Variants in RFX3 observed in about 807,000 individuals in gnomAD.
The protein encoded by RFX3 is regulatory factor X3.
In RFX3, 14 loss-of-function variants were observed where a neutral mutation model predicts 98.6. That is an observed-to-expected ratio of 0.14 (90% CI 0.09 to 0.22). The LOEUF (loss-of-function observed/expected upper bound fraction) is 0.22, where lower values mean the gene tolerates loss of function less well. Among genes scored for constraint, RFX3 ranks in the 10% least tolerant of loss-of-function variants. The pLI, the probability that RFX3 is intolerant of heterozygous loss-of-function variation, is 1.00. For synonymous variants in RFX3, 383 were observed against 328.4 expected (o/e 1.17, Z -1.80); for missense variants, 639 against 926.9 (o/e 0.69, Z 4.03).
chr9:3,402,266 CTT>C (rs1841549005), intron 1 of RFX3, among the ~76,000 whole-genome samples: 1 of 152,154 alleles, frequency 6.6e-6, no homozygotes, highest in Admixed American at 6.6e-5. Flanking sequence ...TTCCACTACA[CTT>C]ACTGTATTAT....
intron 13 of RFX3, among the ~76,000 whole-genome samples, chr9:3,261,595 G>T (rs900178015): frequency 6.6e-6 from 1 of 152,096 alleles, no homozygotes; most frequent in Non-Finnish European, 1.5e-5. Flanking sequence ...AATATAAATA[G>T]TGCTGTTATG....
intron 3 of RFX3, chr9:3,344,992 A>G (rs750123088): frequency 2.5e-5 from 15 of 588,784 alleles, no homozygotes; most frequent in Non-Finnish European, 4.6e-5. Flanking sequence ...TGTGCCAATC[A>G]CCTAAGCAAA....
intron 2 of RFX3, among the ~76,000 whole-genome samples, chr9:3,373,061 C>T (rs1209079287): frequency 6.6e-6 from 1 of 152,082 alleles, no homozygotes; most frequent in African/African-American, 2.4e-5. Flanking sequence ...CTATTCGTTG[C>T]CATATCTCTA....
At chr9:3,427,379 T>TA (rs900354626) in intron 1 of RFX3, among the ~76,000 whole-genome samples, 10 of 141,820 alleles carry the variant, frequency 7.1e-5, no homozygotes, top group Non-Finnish European at 1.4e-4. Context: ...ATTGTTATTA[T>TA]ATAATAATAC....
At position 3,525,958 on chromosome 9, in the gene RFX3, G is replaced by A. The variant is rs1167334732; in HGVS notation, c.-220C>T. On this transcript the variant is annotated 5_prime_UTR_variant, in exon 1 of 17. Transcript: ENST00000617270. ...AGAGAGAGGGAGAGAGAGAGAGAGC[G>A]AGAGGGAGAGGGAGACACTCGCACG... is the stretch of plus-strand genomic sequence containing the variant. 7.1e-6 allele frequency: 3 copies of A among 421,744 alleles called. No individual in the cohort carries two copies. The highest frequency in any genetic ancestry group is 9.4e-6 in the Non-Finnish European group (3 of 317,600). The allele number at this position is 421,744 out of a possible 1,614,324, so 26.1% of individuals were successfully genotyped here. A position where few individuals can be genotyped will look rare whatever the true frequency, so the allele number is the denominator to read the frequency against.
At chr9:3,405,353 A>G (rs2132083269) in intron 1 of RFX3, among the ~76,000 whole-genome samples, 1 of 152,310 alleles carries the variant, frequency 6.6e-6, no homozygotes, top group East Asian at 1.9e-4. Flanking sequence ...CCAAATCTGT[A>G]ACTCTAGTCA....
chr9:3,390,027 G>A (rs893238082), intron 2 of RFX3, among the ~76,000 whole-genome samples: 17 of 152,140 alleles, frequency 1.1e-4, no homozygotes, highest in East Asian at 5.8e-4. Flanking sequence ...TGTTTTATTC[G>A]GTACTTACTA....
intron 3 of RFX3, among the ~76,000 whole-genome samples, chr9:3,337,496 G>C (rs1354549837): frequency 6.6e-6 from 1 of 152,152 alleles, no homozygotes; most frequent in Non-Finnish European, 1.5e-5. Context: ...AGGTGGACTT[G>C]CTCTAAACAA....
At chr9:3,463,131 A>G (rs967221443) in intron 1 of RFX3, among the ~76,000 whole-genome samples, 12 of 152,298 alleles carry the variant, frequency 7.9e-5, no homozygotes, top group Middle Eastern at 3.4e-3. Flanking sequence ...TATATTACTT[A>G]ACTGTAAGAC....
intron 2 of RFX3, among the ~76,000 whole-genome samples, chr9:3,378,268 G>C (rs1024386004): frequency 2.0e-5 from 3 of 152,044 alleles, no homozygotes; most frequent in Admixed American, 1.3e-4. Flanking sequence ...TCTTGTTTCT[G>C]CCTGCAATAT....
chr9:3,257,257 T>C, intron 13 of RFX3, 58 bp from the exon 14 acceptor site: 1 of 1,408,816 alleles, frequency 7.1e-7, no homozygotes, highest in Non-Finnish European at 1.0e-6. Flanking sequence ...TTTCATTGAA[T>C]GCCAGCACAC....
Position 3,225,198 on chromosome 9 carries a change from C to G in RFX3, c.2094G>C (p.Glu698Asp). The G allele has an allele frequency of 6.2e-7, 1 of 1,613,924 alleles. No homozygotes were observed. Residue 698 changes from glutamate to aspartate, a missense_variant, in exon 17 of 17, where the codon GAG (glutamate) becomes GAC (aspartate). Transcript: ENST00000617270. ...AGCCCACTGGAAATGCCTGGCTCAGCTCTGTTTTCTCTCTTTTGGCTTGAG... is the reference window on the plus strand; with the variant it reads ...AGCCCACTGGAAATGCCTGGCTCAGGTCTGTTTTCTCTCTTTTGGCTTGAG... ...SEPQAKREKTELSQAFPVGCM... is the reference protein window; with the variant it reads ...SEPQAKREKTDLSQAFPVGCM...
intron 1 of RFX3, among the ~76,000 whole-genome samples, chr9:3,516,820 G>C (rs1818223442): frequency 6.6e-6 from 1 of 152,150 alleles, no homozygotes; most frequent in African/African-American, 2.4e-5. Flanking sequence ...CAACAGACAG[G>C]AGGAGCCCCA....
At chr9:3,348,632 T>G (rs886973459) in intron 2 of RFX3, among the ~76,000 whole-genome samples, 35 of 152,124 alleles carry the variant, frequency 2.3e-4, no homozygotes, top group African/African-American at 8.4e-4. Context: ...TACATGATTC[T>G]TTTTATATTA....
chr9:3,524,860 CA>C (rs1564205389), intron 1 of RFX3, among the ~76,000 whole-genome samples: 31 of 137,378 alleles, frequency 2.3e-4, no homozygotes, highest in African/African-American at 8.1e-4. Flanking sequence ...CACACACACA[CA>C]CACACACACA....
intron 15 of RFX3, among the ~76,000 whole-genome samples, chr9:3,244,543 A>C (rs1820382897): frequency 6.6e-6 from 1 of 152,068 alleles, no homozygotes; most frequent in Non-Finnish European, 1.5e-5. Context: ...TTCTCAGGAA[A>C]ACTTCCCCTT....
intron 1 of RFX3, among the ~76,000 whole-genome samples, chr9:3,459,370 C>T (rs971918274): frequency 1.3e-5 from 2 of 152,086 alleles, no homozygotes; most frequent in Non-Finnish European, 2.9e-5. Flanking sequence ...GGAAGAATTT[C>T]TACCCCAATC....
intron 4 of RFX3, among the ~76,000 whole-genome samples, chr9:3,310,137 G>A (rs1461759613): frequency 6.6e-6 from 1 of 152,122 alleles, no homozygotes; most frequent in African/African-American, 2.4e-5. Flanking sequence ...ATCATTTAGG[G>A]GCAGTTGATA....
chr9:3,383,202 G>C (rs1303011358), intron 2 of RFX3, among the ~76,000 whole-genome samples: 1 of 151,860 alleles, frequency 6.6e-6, no homozygotes, highest in Non-Finnish European at 1.5e-5. Flanking sequence ...TTCATACTTA[G>C]AGTCTGAGTT....
Sources: gnomAD v4.1 joint callset for allele counts (sites outside exome capture counted in the v4.1 genomes callset) on GRCh38, gnomAD v4.1.1 for gene constraint, MANE v1.5 for transcripts, NCBI Gene and HGNC (gene_info 2026-07-23, HGNC 2026-07-21) for gene names.